Variants in TENM3 observed in about 807,000 individuals in gnomAD.
TENM3 encodes the protein teneurin transmembrane protein 3, also known as teneurin-3.
A neutral mutation model predicts 255.1 loss-of-function variants in TENM3; 63 were observed. The ratio of observed to expected loss-of-function variants is 0.25; its 90% CI spans 0.20 to 0.30. The LOEUF is 0.30. TENM3 is among the 10% of genes least tolerant of loss of function. The pLI is 1.00. For synonymous variants in TENM3, 1,306 were observed against 1,322.3 expected (o/e 0.99, Z 0.27); for missense variants, 2,929 against 3,461.1 (o/e 0.85, Z 3.86).
intron 1 of TENM3, among the ~76,000 whole-genome samples, chr4:182,302,762 C>A (rs1217277665): frequency 2.0e-5 from 3 of 152,036 alleles, no homozygotes; most frequent in East Asian, 1.9e-4. Context: ...GTCATTTTTC[C>A]TTTAGAGTGC....
rs570929248 is a variant in TENM3 at position 182,461,367 on chromosome 4, T to C, written c.511+114438T>C. On this transcript the variant is annotated intron_variant, in intron 3 of 27. Transcript: ENST00000511685. ...GTTTTAAAAGGTGGGGTATGAAAAG[T>C]ATATTGGAGAAAATATCAAATGACC... 4.6e-5 allele frequency among the ~76,000 whole-genome samples: 7 copies of C among 152,278 alleles called. No individual in the cohort carries two copies. The South Asian group carries it at 1.2e-3, about 27-fold the overall frequency.
intron 4 of TENM3, among the ~76,000 whole-genome samples, chr4:182,601,734 A>G (rs1030821085): frequency 6.6e-6 from 1 of 152,198 alleles, no homozygotes; most frequent in Non-Finnish European, 1.5e-5. Flanking sequence ...CAATCCATTC[A>G]TCCTGACACA....
At chr4:181,539,543 A>G in the TENM3 span, among the ~76,000 whole-genome samples, 1,985 of 152,262 alleles carry the variant, frequency 0.013, 31 homozygotes, top group East Asian at 0.079. Flanking sequence ...TCCTCTAAAA[A>G]TCCATGTTAG....
the TENM3 span, among the ~76,000 whole-genome samples, chr4:181,843,716 C>CT: frequency 0.13 from 13,781 of 104,704 alleles, 1,354 homozygotes; most frequent in East Asian, 0.51. Context: ...TAAGGGCCTT[C>CT]TTTTTTTTTT....
chr4:181,737,593 T>C, the TENM3 span, among the ~76,000 whole-genome samples: 1 of 152,132 alleles, frequency 6.6e-6, no homozygotes. Context: ...TTTTCTCCTT[T>C]AAAAATAACT....
At chr4:182,572,330 A>G (rs1187664744) in intron 3 of TENM3, among the ~76,000 whole-genome samples, 3 of 152,214 alleles carry the variant, frequency 2.0e-5, no homozygotes, top group African/African-American at 4.8e-5. Context: ...TTTTGTAAAG[A>G]CAGTTACTTA....
chr4:182,193,434 C>G (rs1247861355), intron 1 of TENM3, among the ~76,000 whole-genome samples: 2 of 152,150 alleles, frequency 1.3e-5, no homozygotes, highest in East Asian at 3.9e-4. Context: ...CTAATTCTTT[C>G]CAGTCTTTAC....
At chr4:182,415,398 C>T (rs1469945746) in intron 3 of TENM3, among the ~76,000 whole-genome samples, 1 of 152,160 alleles carries the variant, frequency 6.6e-6, no homozygotes, top group Admixed American at 6.5e-5. Flanking sequence ...AAAATTAGTA[C>T]TCTCTGAAAT....
At chr4:182,627,088 A>T (rs1326669439) in intron 4 of TENM3, among the ~76,000 whole-genome samples, 1 of 152,148 alleles carries the variant, frequency 6.6e-6, no homozygotes, top group Non-Finnish European at 1.5e-5. Flanking sequence ...TTTTCACGTA[A>T]TAGTTTTCTG....
chr4:181,862,611 T>TA, the TENM3 span, among the ~76,000 whole-genome samples: 108 of 152,316 alleles, frequency 7.1e-4, no homozygotes, highest in African/African-American at 2.5e-3. Context: ...TTTCAGGTCT[T>TA]ACGATGTGCC....
the TENM3 span, among the ~76,000 whole-genome samples, chr4:181,967,935 T>G: frequency 1.3e-5 from 2 of 152,174 alleles, no homozygotes; most frequent in Non-Finnish European, 2.9e-5. Flanking sequence ...TTTCCTTTGT[T>G]GTGAGGCTCA....
At chr4:181,822,040 T>A in the TENM3 span, among the ~76,000 whole-genome samples, 1 of 152,240 alleles carries the variant, frequency 6.6e-6, no homozygotes, top group Non-Finnish European at 1.5e-5. Context: ...AGAGAGCTTT[T>A]CTTTGGTAAA....
intron 1 of TENM3, among the ~76,000 whole-genome samples, chr4:182,193,175 A>G (rs1275930291): frequency 2.0e-5 from 3 of 152,332 alleles, no homozygotes; most frequent in South Asian, 2.1e-4. Flanking sequence ...CTGTTGTAGA[A>G]AAGTATGTTT....
the TENM3 span, among the ~76,000 whole-genome samples, chr4:181,793,330 A>C: frequency 6.6e-5 from 10 of 152,194 alleles, no homozygotes; most frequent in African/African-American, 2.4e-4. Context: ...GATGGCTGCC[A>C]TCAGCAGCCC....
At chr4:182,096,679 A>T in the TENM3 span, among the ~76,000 whole-genome samples, 1 of 152,322 alleles carries the variant, frequency 6.6e-6, no homozygotes, top group East Asian at 1.9e-4. Context: ...ACACTAGAGC[A>T]TATAAAGACC....
the TENM3 span, among the ~76,000 whole-genome samples, chr4:181,886,338 T>TGAGCCACCATGCCCGGCCTCTAC: frequency 1.3e-5 from 2 of 152,180 alleles, no homozygotes; most frequent in South Asian, 4.1e-4. Flanking sequence ...CAGGCATGAA[T>TGAGCCACCATGCCCGGCCTCTAC]GAGCCACCAT....
chr4:181,789,413 T>C, the TENM3 span, among the ~76,000 whole-genome samples: 3 of 151,902 alleles, frequency 2.0e-5, no homozygotes, highest in African/African-American at 7.2e-5. Flanking sequence ...TGCACCACCA[T>C]GCCCAGCTAA....
intron 1 of TENM3, among the ~76,000 whole-genome samples, chr4:182,209,198 C>T (rs1754806153): frequency 6.6e-6 from 1 of 151,862 alleles, no homozygotes; most frequent in Non-Finnish European, 1.5e-5. Flanking sequence ...GAACTCCTGA[C>T]CTCAAGTGAT....
chr4:182,232,975 A>G (rs1756676005), intron 1 of TENM3, among the ~76,000 whole-genome samples: 1 of 152,166 alleles, frequency 6.6e-6, no homozygotes, highest in Non-Finnish European at 1.5e-5. Context: ...GGAATTTTCC[A>G]TTTAACGTCT....
Sources: allele counts gnomAD v4.1 joint callset (sites outside exome capture counted in the v4.1 genomes callset), GRCh38; gene constraint gnomAD v4.1.1; transcripts MANE v1.5; gene names NCBI Gene and HGNC (gene_info 2026-07-23, HGNC 2026-07-21).